Variants in RTEL1 observed in about 807,000 individuals in gnomAD.
The protein encoded by RTEL1 is regulator of telomere length.
RTEL1 carries 86 observed loss-of-function variants against 162.2 expected under a neutral mutation model. That is an observed-to-expected ratio of 0.53 (90% CI 0.45 to 0.63). The LOEUF (loss-of-function observed/expected upper bound fraction) is 0.63. RTEL1 is among the 30% of genes least tolerant of loss of function. RTEL1 has a pLI of 0.00. For missense variants in RTEL1, 1,941 were observed against 1,750.2 expected, an observed-to-expected ratio of 1.11 and a Z score of -1.95; for synonymous variants, 958 against 717.9, an observed-to-expected ratio of 1.33 and a Z score of -5.35.
At chr20:63,664,398 C>T (rs1430295278) in intron 6 of RTEL1, among the ~76,000 whole-genome samples, 1 of 152,164 alleles carries the variant, frequency 6.6e-6, no homozygotes, top group Admixed American at 6.5e-5. Flanking sequence ...GCCCCGGTGG[C>T]TGCTGGGCCT....
chr20:63,693,501 ACCACCACCTCCTCC>A lies in RTEL1; in HGVS notation c.2992+219_2992+232del, dbSNP rs1568720389. Among the ~76,000 whole-genome samples, 10 of 17,732 alleles carry A rather than the reference ACCACCACCTCCTCC, an allele frequency of 5.6e-4. 1 individual carries two copies. The highest frequency in any genetic ancestry group is 3.6e-4 in the Non-Finnish European group (3 of 8,306). 11.6% of individuals were successfully genotyped at this position (17,732 alleles called of 152,430 possible). On this transcript the variant is annotated intron_variant, in intron 30 of 34. Transcript: ENST00000360203. Reference sequence around the variant, plus strand: ...CACCTCCACCACCACCTCCACCTCCACCACCACCTCCTCCACCACCACCACCTCCACCACCACCA... The same window carrying A: ...CACCTCCACCACCACCTCCACCTCCAACCACCACCACCTCCACCACCACCA...
intron 8 of RTEL1, among the ~76,000 whole-genome samples, chr20:63,669,461 G>C (rs1185913724): frequency 6.6e-6 from 1 of 152,202 alleles, no homozygotes; most frequent in Non-Finnish European, 1.5e-5. Flanking sequence ...CAACTCTGTG[G>C]AAGAGTTGAG....
At chr20:63,687,617 C>A (rs779546948) in intron 16 of RTEL1, 21 bp from the exon 17 acceptor site, 170 of 1,589,828 alleles carry the variant, frequency 1.1e-4, no homozygotes, top group Non-Finnish European at 1.4e-4. Flanking sequence ...TCTGTGCCCT[C>A]TGCCGCCCCC....
chr20:63,678,410 T>G, intron 12 of RTEL1, 64 bp downstream of exon 12: 1 of 1,480,826 alleles, frequency 6.8e-7, no homozygotes, highest in Non-Finnish European at 9.2e-7. Context: ...CGGGCCATGG[T>G]GCAGTCCTGG....
intron 22 of RTEL1, 122 bp downstream of exon 22, chr20:63,689,254 C>A: frequency 9.9e-7 from 1 of 1,008,316 alleles, no homozygotes; most frequent in South Asian, 1.5e-5. Flanking sequence ...CCCACGAGAG[C>A]GACTGCTGGC....
rs3848672 is a variant in RTEL1, at chr20:63,692,936, C to G, written c.2784C>G (p.Phe928Leu). Residue 928 changes from phenylalanine (F) to leucine (L), a missense_variant, in exon 29 of 35, where the codon TTC becomes TTG. Physicochemically the swap from Phe to Leu is conservative, Grantham distance 22. Coordinates refer to ENST00000360203, the MANE Select transcript of RTEL1 (RefSeq NM_001283009.2). Reference protein sequence around the residue: ...ALQDYKGSDDFAALAACLGPL... With the variant: ...ALQDYKGSDDLAALAACLGPL... ...AGGACTACAAGGGTTCCGATGACTT[C>G]GCCGCCCTGGCCGCCTGTCTCGGCC... is the stretch of plus-strand genomic sequence containing the variant. The G allele has an allele frequency of 8.1e-6, 13 of 1,612,464 alleles. No homozygotes were observed.
intron 7 of RTEL1, among the ~76,000 whole-genome samples, chr20:63,666,886 C>T (rs1013992863): frequency 9.4e-5 from 13 of 138,828 alleles, no homozygotes; most frequent in East Asian, 4.3e-4. Context: ...GTCGCCCAGG[C>T]TGGAGTGCAG....
At chr20:63,678,216 G>T in intron 11 of RTEL1, 33 bp downstream of exon 11, 1 of 1,613,464 alleles carries the variant, frequency 6.2e-7, no homozygotes, top group South Asian at 1.1e-5. Flanking sequence ...CCTTGCAGCT[G>T]GGTGGGGCCT....
chr20:63,659,014 C>T (rs895319209), intron 1 of RTEL1, among the ~76,000 whole-genome samples: 11 of 152,228 alleles, frequency 7.2e-5, no homozygotes, highest in Admixed American at 3.3e-4. Flanking sequence ...GAACTTGCAG[C>T]ACTGTGGGCG....
In RTEL1 at chr20:63,686,102, C is replaced by G. The variant is rs536309979; in HGVS notation, c.1348+230C>G. On this transcript the variant is annotated intron_variant, in intron 16 of 34. Transcript: ENST00000360203. ...GGCACCGTGACCTGCCCAGAGTCACCTGGTTGGTGGTGGCAGAGCCACAGC... is the reference window on the plus strand; with the variant it reads ...GGCACCGTGACCTGCCCAGAGTCACGTGGTTGGTGGTGGCAGAGCCACAGC... The G allele has an allele frequency of 1.0e-5, 6 of 583,314 alleles. No homozygotes were observed. In the Admixed American group the frequency reaches 1.2e-4, roughly 12 times the overall value. The allele number at this position is 583,314 out of a possible 1,614,324, so 36.1% of individuals were successfully genotyped here.
At chr20:63,689,014 G>GA in intron 21 of RTEL1, 41 bp from the exon 22 acceptor site, 1 of 1,556,416 alleles carries the variant, frequency 6.4e-7, no homozygotes, top group Non-Finnish European at 8.8e-7. Flanking sequence ...GAAGGGGCTG[G>GA]GGGGGGGCTC....
intron 30 of RTEL1, among the ~76,000 whole-genome samples, chr20:63,694,091 T>C (rs2090900548): frequency 6.6e-6 from 1 of 152,008 alleles, no homozygotes; most frequent in Non-Finnish European, 1.5e-5. Context: ...CCAGATCCCT[T>C]CTGGGCTTGG....
intron 14 of RTEL1, chr20:63,680,934 T>C: frequency 2.0e-6 from 2 of 985,338 alleles, no homozygotes; most frequent in Non-Finnish European, 2.4e-6. Context: ...TGGTGGCACA[T>C]GCCCAGGGTG....
Position 63,689,045 on chromosome 20 carries a change from T to C in RTEL1, c.1801-10T>C, listed in dbSNP as rs2090662831. The C allele has an allele frequency of 2.5e-6, 4 of 1,609,696 alleles. No homozygotes were observed. Among genetic ancestry groups the C allele is most frequent in the Non-Finnish European group, 3.4e-6 (4 of 1,179,302 alleles). ...GGCTCCAGGCTCAGCCTCACCAACT[T>C]TCCTTCCAGACCATCAGTGCTTACT... On this transcript the variant is annotated splice_polypyrimidine_tract_variant and intron_variant, in intron 21 of 34. Transcript: ENST00000360203.
Position 63,685,773 on chromosome 20 carries a change from T to A in RTEL1, c.1267-18T>A. On this transcript the variant is annotated intron_variant, in intron 15 of 34. Transcript: ENST00000360203. The stretch of plus-strand genomic sequence containing the variant: ...GACATGGGCGGGGCCTCCACACTCC[T>A]GGTCCTGTCCCCTCCAGGTGCACAT... 6.2e-7 allele frequency: 1 copy of A among 1,610,108 alleles called. No homozygotes were observed.
Position 63,689,848 on chromosome 20 carries a change from C to G in RTEL1, c.2124C>G (p.Val708=). The change falls in exon 24 of 35, where the codon GTC becomes GTG. Residue 708 remains valine, a synonymous_variant. Transcript: ENST00000360203. ...GGCACCGCCAGGACTACGGAGCTGT[C>G]TTCCTCTGTGACCACAGGTGCGTGC... ...VIRHRQDYGA[V]FLCDHRFAFA... is the part of the protein sequence containing the mutation. 6.2e-7 allele frequency: 1 copy of G among 1,609,978 alleles called. No individual in the cohort carries two copies. The highest frequency in any genetic ancestry group is 8.5e-7 in the Non-Finnish European group (1 of 1,179,732).
chr20:63,693,528 TCCACCACCACCACCACCACCA>T (rs1568720636), intron 30 of RTEL1, among the ~76,000 whole-genome samples: 20 of 3,150 alleles, frequency 6.3e-3, no homozygotes, highest in Admixed American at 0.018. Flanking sequence ...CACCACCACC[TCCACCACCACCACCACCACCA>T]CCACCTCCAC....
intron 8 of RTEL1, among the ~76,000 whole-genome samples, chr20:63,669,712 T>C (rs2090209918): frequency 8.2e-6 from 1 of 122,350 alleles, no homozygotes; most frequent in Non-Finnish European, 1.7e-5. Context: ...CCAAGATGGG[T>C]GGAATGGCCA....
intron 8 of RTEL1, among the ~76,000 whole-genome samples, chr20:63,670,589 G>A (rs1046458366): frequency 7.9e-5 from 12 of 152,248 alleles, no homozygotes; most frequent in Non-Finnish European, 1.6e-4. Context: ...GTGGCATGAG[G>A]ATGTGGAACA....
Sources: allele counts gnomAD v4.1 joint callset (sites outside exome capture counted in the v4.1 genomes callset), GRCh38; gene constraint gnomAD v4.1.1; transcripts MANE v1.5; gene names NCBI Gene and HGNC (gene_info 2026-07-23, HGNC 2026-07-21).